ENPP3: variants seen among roughly 807,000 people sequenced by gnomAD.
The protein encoded by ENPP3 is ectonucleotide pyrophosphatase/phosphodiesterase family member 3.
In ENPP3, 104 loss-of-function variants were observed where a neutral mutation model predicts 117.8. The observed-to-expected ratio is 0.88, with a 90% CI of 0.75 to 1.04. ENPP3 has a LOEUF of 1.04. Ranked by LOEUF, ENPP3 falls within the 50% of genes least tolerant of loss-of-function variation. ENPP3 has a pLI of 0.00. For missense variants in ENPP3, 1,026 were observed against 1,051.9 expected (o/e 0.98, Z 0.34); for synonymous variants, 380 against 349.9 (o/e 1.09, Z -0.96).
In ENPP3 at chr6:131,687,808, A is replaced by G. The variant is rs966619273; in HGVS notation, c.1284+1901A>G. 2.6e-5 allele frequency among the ~76,000 whole-genome samples: 4 copies of G among 152,204 alleles called. No homozygotes were observed. The East Asian group carries it at 7.7e-4, about 29-fold the overall frequency. On this transcript the variant is annotated intron_variant, in intron 14 of 24. Coordinates refer to ENST00000357639, the MANE Select transcript of ENPP3 (RefSeq NM_005021.5). ...CCAAAACCACAATGGAATAGTTTTT[A>G]TAGTTATATATTTAAAATATATTCA...
intron 15 of ENPP3, chr6:131,710,872 A>C (rs1316795561): frequency 6.2e-7 from 1 of 1,610,598 alleles, no homozygotes; most frequent in African/African-American, 1.4e-5. Context: ...AAATCCAATA[A>C]CAGCTGCACA....
At chr6:131,745,587 GAACT>G (rs1004720461) in intron 24 of ENPP3, among the ~76,000 whole-genome samples, 11 of 151,700 alleles carry the variant, frequency 7.3e-5, no homozygotes, top group African/African-American at 1.7e-4. Context: ...CTAAATTATT[GAACT>G]AACTTTCATA....
intron 20 of ENPP3, among the ~76,000 whole-genome samples, chr6:131,727,442 C>T (rs1326591689): frequency 6.6e-6 from 1 of 150,748 alleles, no homozygotes; most frequent in Non-Finnish European, 1.5e-5. Flanking sequence ...GCAATCCCCG[C>T]TACTTGGGAG....
chr6:131,647,018 C>T (rs2114301506), intron 2 of ENPP3, among the ~76,000 whole-genome samples: 1 of 142,574 alleles, frequency 7.0e-6, no homozygotes, highest in East Asian at 2.1e-4. Context: ...GGACTAAAGG[C>T]ACGTGCCACT....
At chr6:131,666,420 G>T (rs995682898) in intron 6 of ENPP3, among the ~76,000 whole-genome samples, 6 of 152,026 alleles carry the variant, frequency 3.9e-5, no homozygotes, top group African/African-American at 1.4e-4. Context: ...GGAGTTTTTA[G>T]CCATTATTTC....
intron 5 of ENPP3, among the ~76,000 whole-genome samples, chr6:131,657,384 A>G (rs1413877164): frequency 6.6e-6 from 1 of 152,174 alleles, no homozygotes; most frequent in Non-Finnish European, 1.5e-5. Flanking sequence ...ATCATCATAC[A>G]TTCCTGTTTT....
intron 19 of ENPP3, 100 bp from the exon 20 acceptor site, chr6:131,725,946 G>A (rs1780144861): frequency 1.5e-6 from 1 of 688,366 alleles, no homozygotes; most frequent in South Asian, 1.9e-5. Flanking sequence ...CATATAATAA[G>A]CCATAAGAGA....
At chr6:131,638,516 G>A in intron 1 of ENPP3, 2 of 452,188 alleles carry the variant, frequency 4.4e-6, no homozygotes, top group Admixed American at 2.4e-5. Context: ...TGATCCTCCT[G>A]CCTCAGCCTC....
intron 11 of ENPP3, among the ~76,000 whole-genome samples, chr6:131,679,007 TTC>T (rs1407037956): frequency 1.9e-4 from 16 of 84,656 alleles, no homozygotes; most frequent in African/African-American, 8.2e-4. Flanking sequence ...CCTTGCTTCC[TTC>T]CTTCCTTCCT....
intron 14 of ENPP3, among the ~76,000 whole-genome samples, chr6:131,692,236 G>GGAAA (rs1352549588): frequency 3.3e-5 from 5 of 151,900 alleles, no homozygotes. Context: ...TGGTCATGAG[G>GGAAA]GAAAGTTCCT....
intron 6 of ENPP3, among the ~76,000 whole-genome samples, chr6:131,668,282 AGCTCACTGTAACCTCC>A (rs1470924972): frequency 1.5e-5 from 2 of 132,588 alleles, no homozygotes; most frequent in Non-Finnish European, 3.0e-5. Context: ...GCACGATCTC[AGCTCACTGTAACCTCC>A]GCTTCTCGGG....
chr6:131,675,331 T>A, intron 9 of ENPP3, 142 bp downstream of exon 9: 2 of 608,820 alleles, frequency 3.3e-6, no homozygotes, highest in Non-Finnish European at 5.9e-6. Flanking sequence ...TTCCTTTATG[T>A]CACTCAAGCA....
intron 12 of ENPP3, 22 bp from the exon 13 acceptor site, chr6:131,685,342 T>C: frequency 6.3e-7 from 1 of 1,592,628 alleles, no homozygotes; most frequent in East Asian, 2.2e-5. Flanking sequence ...CAGTGGGTTA[T>C]TATGATTATT....
intron 5 of ENPP3, among the ~76,000 whole-genome samples, chr6:131,657,247 T>G (rs1778405524): frequency 6.6e-6 from 1 of 152,138 alleles, no homozygotes; most frequent in Admixed American, 6.5e-5. Flanking sequence ...GTGTATAGTA[T>G]GATGCAATTT....
At chr6:131,642,362 A>G (rs1371430262) in intron 2 of ENPP3, among the ~76,000 whole-genome samples, 1 of 152,116 alleles carries the variant, frequency 6.6e-6, no homozygotes, top group Non-Finnish European at 1.5e-5. Flanking sequence ...TTTTTTTCTT[A>G]TAAGAAGCAA....
intron 7 of ENPP3, among the ~76,000 whole-genome samples, chr6:131,673,184 T>C (rs9321306): frequency 0.057 from 8,649 of 152,142 alleles, 497 homozygotes; most frequent in African/African-American, 0.15. Context: ...TAAACCATAA[T>C]AGAACTAGAA....
intron 6 of ENPP3, among the ~76,000 whole-genome samples, chr6:131,658,910 C>T (rs1203100703): frequency 6.6e-6 from 1 of 152,166 alleles, no homozygotes; most frequent in Non-Finnish European, 1.5e-5. Context: ...GCTGTGAGGT[C>T]TCAGACAACT....
At chr6:131,730,732 TG>T (rs1301779174) in intron 20 of ENPP3, among the ~76,000 whole-genome samples, 2 of 152,112 alleles carry the variant, frequency 1.3e-5, no homozygotes, top group Non-Finnish European at 1.5e-5. Flanking sequence ...CTGGCCAACA[TG>T]GCAAAACCCT....
chr6:131,679,253 C>T (rs1195677182), intron 11 of ENPP3, among the ~76,000 whole-genome samples: 1 of 151,708 alleles, frequency 6.6e-6, no homozygotes, highest in East Asian at 1.9e-4. Flanking sequence ...CGCCACCACG[C>T]TAGGCTAATT....
Sources: allele counts gnomAD v4.1 joint callset (sites outside exome capture counted in the v4.1 genomes callset), GRCh38; gene constraint gnomAD v4.1.1; transcripts MANE v1.5; gene names NCBI Gene and HGNC (gene_info 2026-07-23, HGNC 2026-07-21).